The following ZNF331 variants were observed in gnomAD, a reference collection of about 807,000 sequenced individuals.
ZNF331 encodes C2H2-like zinc finger protein rearranged in thyroid adenomas.
In ZNF331, 2 loss-of-function variants were observed where a neutral mutation model predicts 7.0. That is an observed-to-expected ratio of 0.29 (90% CI 0.12 to 0.90). ZNF331 has a LOEUF of 0.90. Ranked by LOEUF, ZNF331 falls within the 40% of genes least tolerant of loss-of-function variation. The pLI, the probability that ZNF331 is intolerant of heterozygous loss-of-function variation, is 0.58. For missense variants in ZNF331, 432 were observed against 587.7 expected, an observed-to-expected ratio of 0.74 and a Z score of 2.74; for synonymous variants, 196 against 205.4, an observed-to-expected ratio of 0.95 and a Z score of 0.39.
intron 2 of ZNF331, among the ~76,000 whole-genome samples, chr19:53,544,192 A>C (rs1056982358): frequency 2.7e-5 from 4 of 147,540 alleles, no homozygotes; most frequent in Admixed American, 6.9e-5. Flanking sequence ...ACGCCACTGC[A>C]CTCCAGCTTG....
chr19:53,559,354 TAC>T (rs982943047), intron 3 of ZNF331, among the ~76,000 whole-genome samples: 1 of 147,262 alleles, frequency 6.8e-6, no homozygotes, highest in Non-Finnish European at 1.5e-5. Context: ...ATACACACCA[TAC>T]ACACATATAC....
intron 2 of ZNF331, among the ~76,000 whole-genome samples, chr19:53,530,277 G>C (rs7252200): frequency 0.021 from 1,461 of 71,170 alleles, 22 homozygotes; most frequent in African/African-American, 0.048. Flanking sequence ...CCTCCCACCA[G>C]GCCGCACCTC....
rs1043825171 is a variant in ZNF331, at chr19:53,558,094, G to C, written c.-74+2186G>C. On this transcript the variant is annotated intron_variant, in intron 3 of 5. Coordinates refer to ENST00000449416, the MANE Select transcript of ZNF331 (RefSeq NM_001079906.2). This position sits in a 1 kb window ranked among gnomAD's most constrained non-coding sequence, Gnocchi z 4.5. ...TGGCATCAGATTCCACAGGTTGTGA[G>C]CAAGACTGTCCCACTCTGCCCCACT... Among the ~76,000 whole-genome samples, 3 of 152,166 alleles carry C rather than the reference G, an allele frequency of 2.0e-5. No individual in the cohort carries two copies. The highest frequency in any genetic ancestry group is 4.4e-5 in the Non-Finnish European group (3 of 68,022).
At chr19:53,513,455 A>T in the ZNF331 span, among the ~76,000 whole-genome samples, 1 of 152,250 alleles carries the variant, frequency 6.6e-6, no homozygotes, top group South Asian at 2.1e-4. Context: ...TAGAATTTTT[A>T]AAAATATAAT....
intron 3 of ZNF331, among the ~76,000 whole-genome samples, chr19:53,557,571 T>G (rs1183364302): frequency 6.6e-6 from 1 of 152,210 alleles, no homozygotes; most frequent in African/African-American, 2.4e-5. Flanking sequence ...TCAGGTATCT[T>G]CAGAGGCTAT....
Position 53,577,563 on chromosome 19 carries a change from G to C in ZNF331, c.1003G>C (p.Ala335Pro), listed in dbSNP as rs999786335. Residue 335 changes from alanine (A) to proline (P), a missense_variant, in exon 6 of 6, where the codon GCC (alanine) becomes CCC (proline). Physicochemically the swap from Ala to Pro is conservative, Grantham distance 27. This residue lies in a region of ZNF331 where 312 missense variants were observed against 448.6 expected (regional missense o/e 0.70). Coordinates refer to ENST00000449416, the MANE Select transcript of ZNF331 (RefSeq NM_001079906.2). ...TCACGAATGTAAGGAGTGTGGGAAG[G>C]CCTTTCGCTGGGGTTCGAGCCTCGT... ...KPHECKECGKAFRWGSSLVKH... is the reference protein window; with the variant it reads ...KPHECKECGKPFRWGSSLVKH... 6.2e-7 allele frequency: 1 copy of C among 1,613,920 alleles called. No homozygotes were observed. The highest frequency in any genetic ancestry group is 8.5e-7 in the Non-Finnish European group (1 of 1,179,884).
rs2090833174 is a variant in ZNF331 at position 53,578,925 on chromosome 19, C to G, written c.*973C>G. The G allele has an allele frequency of 5.5e-6, 1 of 180,212 alleles. No individual in the cohort carries two copies. The highest frequency in any genetic ancestry group is 6.3e-5 in the Admixed American group (1 of 15,882). 11.2% of individuals were successfully genotyped at this position (180,212 alleles called of 1,614,324 possible). On this transcript the variant is annotated 3_prime_UTR_variant, in exon 6 of 6. Transcript: ENST00000449416. The stretch of plus-strand genomic sequence containing the variant: ...CAGCAATTCTCCTGCCTCAGCCTCC[C>G]CAGTAGCTGGGATTACAGACATGCA...
chr19:53,538,779 G>A (rs1270413209), intron 1 of ZNF331: 1 of 152,842 alleles, frequency 6.5e-6, no homozygotes, highest in South Asian at 2.1e-4. Flanking sequence ...CGGGCCTTCT[G>A]AGTGATGCAG....
At chr19:53,559,576 C>T (rs934561041) in intron 3 of ZNF331, among the ~76,000 whole-genome samples, 4 of 150,216 alleles carry the variant, frequency 2.7e-5, no homozygotes, top group Non-Finnish European at 1.5e-5. Flanking sequence ...TATATACACA[C>T]ATATATACAC....
the ZNF331 span, among the ~76,000 whole-genome samples, chr19:53,513,318 C>T: frequency 6.6e-6 from 1 of 151,826 alleles, no homozygotes; most frequent in African/African-American, 2.4e-5. Context: ...TTCCTTCAGA[C>T]GCATACTCAG....
the ZNF331 span, among the ~76,000 whole-genome samples, chr19:53,505,811 C>A: frequency 6.6e-6 from 1 of 151,194 alleles, no homozygotes; most frequent in Non-Finnish European, 1.5e-5. Context: ...ATGGTGAAAC[C>A]CCCTCTCTAT....
At chr19:53,557,322 G>A (rs966009706) in intron 3 of ZNF331, among the ~76,000 whole-genome samples, 1 of 152,164 alleles carries the variant, frequency 6.6e-6, no homozygotes, top group African/African-American at 2.4e-5. Flanking sequence ...GCCAGTGCAA[G>A]CAGCTTCCGG....
At chr19:53,545,223 C>T (rs2088514475) in intron 2 of ZNF331, among the ~76,000 whole-genome samples, 1 of 152,152 alleles carries the variant, frequency 6.6e-6, no homozygotes, top group South Asian at 2.1e-4. Flanking sequence ...GTCTTTCTAA[C>T]TGTTTCCTCC....
At chr19:53,528,019 A>AC (rs2087372872) in intron 2 of ZNF331, among the ~76,000 whole-genome samples, 1 of 152,246 alleles carries the variant, frequency 6.6e-6, no homozygotes, top group Non-Finnish European at 1.5e-5. Context: ...AAATATATGA[A>AC]ATGACTAAGA....
At chr19:53,541,328 G>A (rs2088162927) in intron 2 of ZNF331, among the ~76,000 whole-genome samples, 1 of 151,962 alleles carries the variant, frequency 6.6e-6, no homozygotes, top group African/African-American at 2.4e-5. Flanking sequence ...CTGGTCTCGA[G>A]CTCCCGACCT....
At chr19:53,531,946 GTTGTT>G (rs1431469151) in intron 2 of ZNF331, among the ~76,000 whole-genome samples, 5 of 152,026 alleles carry the variant, frequency 3.3e-5, no homozygotes, top group Non-Finnish European at 5.9e-5. Flanking sequence ...TCGGATTATT[GTTGTT>G]TTGTTTATTA....
At chr19:53,508,269 G>T in the ZNF331 span, among the ~76,000 whole-genome samples, 2 of 152,174 alleles carry the variant, frequency 1.3e-5, no homozygotes, top group Non-Finnish European at 2.9e-5. Context: ...CTGGCAGAAT[G>T]AGTGCATTGG....
At chr19:53,572,585 ATATATAT>A (rs562417505) in intron 5 of ZNF331, among the ~76,000 whole-genome samples, 50,280 of 143,998 alleles carry the variant, frequency 0.35, 9,285 homozygotes, top group African/African-American at 0.45. Context: ...ATATATACAC[ATATATAT>A]TATATATACA....
At chr19:53,522,668 C>G (rs1420388752) in exon 2 of ZNF331, 2 of 152,202 alleles carry the variant, frequency 1.3e-5, no homozygotes, top group African/African-American at 4.8e-5. Flanking sequence ...GTTATATGTC[C>G]TAAAGTAAGG....
Sources: gnomAD v4.1 joint callset for allele counts (sites outside exome capture counted in the v4.1 genomes callset) on GRCh38, gnomAD v4.1.1 for gene constraint, gnomAD v4.1.1 regional missense constraint, Gnocchi (gnomAD v3.1) non-coding constraint, MANE v1.5 for transcripts, NCBI Gene and HGNC (gene_info 2026-07-23, HGNC 2026-07-21) for gene names.